Variants in TLK2 observed in about 807,000 individuals in gnomAD.
TLK2 encodes tousled like kinase 2.
A neutral mutation model predicts 117.3 loss-of-function variants in TLK2; 6 were observed. That is an observed-to-expected ratio of 0.05 (90% CI 0.03 to 0.10). The LOEUF is 0.10. Ranked by LOEUF, TLK2 falls within the 10% of genes least tolerant of loss-of-function variation. The pLI is 1.00. For missense variants in TLK2, 299 were observed against 901.2 expected, an observed-to-expected ratio of 0.33 and a Z score of 8.56; for synonymous variants, 257 against 316.7, an observed-to-expected ratio of 0.81 and a Z score of 2.00.
At chr17:62,480,870 TAAAATC>T (rs2071562763) in intron 1 of TLK2, among the ~76,000 whole-genome samples, 1 of 152,192 alleles carries the variant, frequency 6.6e-6, no homozygotes, top group Admixed American at 6.5e-5. Flanking sequence ...TTTTTGCTGT[TAAAATC>T]AAATCAGAAC....
intron 2 of TLK2, among the ~76,000 whole-genome samples, chr17:62,500,750 G>A (rs553812358): frequency 6.6e-6 from 1 of 152,300 alleles, no homozygotes; most frequent in South Asian, 2.1e-4. Flanking sequence ...GGATTGAAAT[G>A]TGTAGTGTCT....
chr17:62,607,723 G>C (rs189842404), intron 20 of TLK2, among the ~76,000 whole-genome samples: 3 of 152,116 alleles, frequency 2.0e-5, no homozygotes, highest in Non-Finnish European at 2.9e-5. Flanking sequence ...AGCAGGTGAG[G>C]TTGCTGGGTC....
chr17:62,550,055 C>G (rs1378432931), intron 7 of TLK2: 1 of 152,156 alleles, frequency 6.6e-6, no homozygotes, highest in African/African-American at 2.4e-5. Context: ...TCTTGGCTCA[C>G]TGCAAGCTCC....
intron 17 of TLK2, among the ~76,000 whole-genome samples, chr17:62,600,057 G>A (rs1472441353): frequency 6.6e-6 from 1 of 152,196 alleles, no homozygotes; most frequent in Non-Finnish European, 1.5e-5. Flanking sequence ...AGAAATTGTA[G>A]TGCAGTATTG....
chr17:62,579,708 T>C (rs998979689), intron 14 of TLK2, among the ~76,000 whole-genome samples: 1 of 152,140 alleles, frequency 6.6e-6, no homozygotes, highest in Non-Finnish European at 1.5e-5. Context: ...AAATAGCAAG[T>C]GTCTTGGAAT....
chr17:62,564,734 C>A (rs1447065116), intron 10 of TLK2, among the ~76,000 whole-genome samples: 1 of 151,332 alleles, frequency 6.6e-6, no homozygotes, highest in Non-Finnish European at 1.5e-5. Context: ...AAAAAACCAA[C>A]CAAACAAACA....
intron 6 of TLK2, 89 bp from the exon 7 acceptor site, chr17:62,536,081 T>G: frequency 6.9e-7 from 1 of 1,444,926 alleles, no homozygotes; most frequent in Middle Eastern, 2.6e-4. Context: ...TCATCTTATA[T>G]TTGATAACTG....
Position 62,553,098 on chromosome 17 carries a change from T to G in TLK2, c.628-565T>G, listed in dbSNP as rs116019928. ...ATACTGGGTTTTCTTGAAGGCTCTTTTGATACTATATATATTACCTTCAAG... is the reference window on the plus strand; with the variant it reads ...ATACTGGGTTTTCTTGAAGGCTCTTGTGATACTATATATATTACCTTCAAG... On this transcript the variant is annotated intron_variant, in intron 8 of 21. Coordinates refer to ENST00000346027, the MANE Select transcript of TLK2 (RefSeq NM_006852.6). Among the ~76,000 whole-genome samples, 359 of 152,304 alleles carry G rather than the reference T, an allele frequency of 2.4e-3. 1 individual carries two copies. Among genetic ancestry groups the G allele is most frequent in the African/African-American group, 8.3e-3 (345 of 41,572 alleles).
intron 2 of TLK2, chr17:62,516,174 C>T: frequency 1.8e-6 from 1 of 555,352 alleles, no homozygotes; most frequent in Non-Finnish European, 3.2e-6. Context: ...ATCCGCTCAC[C>T]TCGGCCTCCC....
chr17:62,586,448 C>A (rs1168568184), intron 16 of TLK2, among the ~76,000 whole-genome samples: 1 of 152,146 alleles, frequency 6.6e-6, no homozygotes, highest in Non-Finnish European at 1.5e-5. Context: ...TCCAGACTTT[C>A]CTGAATCCAA....
At chr17:62,569,489 G>A (rs1466535723) in intron 11 of TLK2, among the ~76,000 whole-genome samples, 1 of 136,472 alleles carries the variant, frequency 7.3e-6, no homozygotes, top group Non-Finnish European at 1.5e-5. Context: ...AGGCTGGAGT[G>A]CAGTGGCGTG....
At chr17:62,581,393 TATTATG>T (rs1179647219) in intron 15 of TLK2, among the ~76,000 whole-genome samples, 2 of 152,050 alleles carry the variant, frequency 1.3e-5, no homozygotes, top group Non-Finnish European at 2.9e-5. Context: ...TCCAGAACTA[TATTATG>T]ATTAGTGCAC....
At chr17:62,582,846 T>C (rs2081316301) in intron 15 of TLK2, among the ~76,000 whole-genome samples, 1 of 152,206 alleles carries the variant, frequency 6.6e-6, no homozygotes, top group South Asian at 2.1e-4. Context: ...TGAATTTGAC[T>C]ATGTTTAGAT....
intron 12 of TLK2, among the ~76,000 whole-genome samples, chr17:62,575,675 TTCTCTC>T (rs1052693731): frequency 1.3e-5 from 2 of 151,902 alleles, no homozygotes; most frequent in African/African-American, 2.4e-5. Context: ...CTTTCTGTCT[TTCTCTC>T]TCTCTCTCTT....
At chr17:62,592,179 G>A (rs1259730230) in intron 16 of TLK2, among the ~76,000 whole-genome samples, 1 of 151,754 alleles carries the variant, frequency 6.6e-6, no homozygotes, top group Non-Finnish European at 1.5e-5. Context: ...GGCTGGTCTT[G>A]AACTCCCGAC....
chr17:62,497,284 CTG>C (rs2073795246), intron 2 of TLK2, among the ~76,000 whole-genome samples: 2 of 152,092 alleles, frequency 1.3e-5, no homozygotes, highest in South Asian at 4.1e-4. Context: ...AAAAAAAATT[CTG>C]TGACTCAAAA....
intron 11 of TLK2, among the ~76,000 whole-genome samples, chr17:62,572,312 T>TA (rs1442900555): frequency 6.6e-6 from 1 of 152,170 alleles, no homozygotes; most frequent in Non-Finnish European, 1.5e-5. Flanking sequence ...GTGGGTGACT[T>TA]AAAGACTAAC....
intron 6 of TLK2, among the ~76,000 whole-genome samples, chr17:62,530,601 G>A (rs1035343546): frequency 6.6e-6 from 1 of 152,166 alleles, no homozygotes; most frequent in African/African-American, 2.4e-5. Flanking sequence ...TGGTGGTAGT[G>A]GTGTATGTTT....
chr17:62,514,385 T>G (rs1370270490), intron 2 of TLK2, among the ~76,000 whole-genome samples: 7 of 151,210 alleles, frequency 4.6e-5, no homozygotes, highest in South Asian at 2.1e-4. Flanking sequence ...CCTCAAATGA[T>G]CCACCACCTC....
Sources: allele counts gnomAD v4.1 joint callset (sites outside exome capture counted in the v4.1 genomes callset), GRCh38; gene constraint gnomAD v4.1.1; transcripts MANE v1.5; gene names NCBI Gene and HGNC (gene_info 2026-07-23, HGNC 2026-07-21).